SLC14A2: variants seen among roughly 807,000 people sequenced by gnomAD.
SLC14A2 encodes solute carrier family 14 member 2.
Under a neutral mutation model 104.6 loss-of-function variants are expected in SLC14A2, and 91 were observed. That is an observed-to-expected ratio of 0.87 (90% CI 0.73 to 1.04). The LOEUF (loss-of-function observed/expected upper bound fraction) is 1.04, where lower values mean the gene tolerates loss of function less well. Ranked by LOEUF, SLC14A2 falls within the 50% of genes least tolerant of loss-of-function variation. The pLI is 0.00. For missense variants in SLC14A2, 1,189 were observed against 1,156.0 expected (o/e 1.03, Z -0.41); for synonymous variants, 476 against 466.4 (o/e 1.02, Z -0.27).
At chr18:45,525,745 G>A (rs913725564) in intron 2 of SLC14A2, among the ~76,000 whole-genome samples, 2 of 152,138 alleles carry the variant, frequency 1.3e-5, no homozygotes, top group Admixed American at 6.5e-5. Context: ...TTCTGTTTGT[G>A]TCCATATGAA....
At chr18:45,338,791 C>T (rs956387311) in intron 1 of SLC14A2, among the ~76,000 whole-genome samples, 1 of 149,266 alleles carries the variant, frequency 6.7e-6, no homozygotes, top group South Asian at 2.1e-4. Context: ...CGTGTGAAAA[C>T]GTGCACTGAA....
intron 2 of SLC14A2, among the ~76,000 whole-genome samples, chr18:45,543,425 T>A (rs2043920466): frequency 6.6e-6 from 1 of 152,118 alleles, no homozygotes; most frequent in African/African-American, 2.4e-5. Context: ...AGCATGAGAC[T>A]CTTAAATACA....
intron 1 of SLC14A2, among the ~76,000 whole-genome samples, chr18:45,296,140 G>A (rs1007756258): frequency 1.3e-5 from 2 of 152,146 alleles, no homozygotes; most frequent in African/African-American, 4.8e-5. Flanking sequence ...ATGCAATTCA[G>A]CAAATATTTG....
At chr18:45,416,507 T>C (rs928531257) in intron 1 of SLC14A2, among the ~76,000 whole-genome samples, 4 of 152,200 alleles carry the variant, frequency 2.6e-5, no homozygotes, top group African/African-American at 7.2e-5. Context: ...AATCTGAAAT[T>C]AACCATAATG....
At chr18:45,223,623 T>C (rs867931500) in intron 1 of SLC14A2, among the ~76,000 whole-genome samples, 20 of 152,114 alleles carry the variant, frequency 1.3e-4, no homozygotes, top group African/African-American at 4.8e-4. Flanking sequence ...TAGGCTTCCA[T>C]GGCTAATCTC....
intron 1 of SLC14A2, among the ~76,000 whole-genome samples, chr18:45,475,670 T>G (rs1250044500): frequency 1.4e-4 from 15 of 107,678 alleles, no homozygotes; most frequent in East Asian, 2.5e-4. Flanking sequence ...TATATATATA[T>G]ATATATATAT....
chr18:45,505,929 C>T (rs889919775), intron 2 of SLC14A2, among the ~76,000 whole-genome samples: 2 of 152,112 alleles, frequency 1.3e-5, no homozygotes, highest in African/African-American at 4.8e-5. Flanking sequence ...ATGTGGATTT[C>T]TCTCCGCAGA....
intron 1 of SLC14A2, among the ~76,000 whole-genome samples, chr18:45,217,327 T>TAA (rs112631834): frequency 2.0e-5 from 3 of 149,336 alleles, no homozygotes; most frequent in Non-Finnish European, 4.4e-5. Context: ...TATGTATATA[T>TAA]AATGTACATA....
intron 1 of SLC14A2, among the ~76,000 whole-genome samples, chr18:45,439,189 G>A (rs1215722198): frequency 6.6e-6 from 1 of 152,140 alleles, no homozygotes; most frequent in African/African-American, 2.4e-5. Flanking sequence ...TGAGGAGGGA[G>A]GATTGCTTGA....
chr18:45,217,962 C>T (rs2084025430), intron 1 of SLC14A2, among the ~76,000 whole-genome samples: 1 of 152,198 alleles, frequency 6.6e-6, no homozygotes, highest in South Asian at 2.1e-4. Flanking sequence ...CTTCACCCTT[C>T]TGATCTGTGG....
In SLC14A2 at chr18:45,663,862, A is replaced by G; in HGVS notation, c.1429A>G (p.Ser477Gly). Residue 477 changes from serine (S) to glycine (G), a missense_variant, in exon 11 of 20, where the codon AGT (serine) becomes GGT (glycine). By Grantham distance (56) the Ser-to-Gly change is moderately conservative. Coordinates refer to ENST00000255226, the MANE Select transcript of SLC14A2 (RefSeq NM_007163.4). ...GSEAVLSKHR[S>G]VFHIEWSSIR... ...GGAGGCTGTGCTCTCCAAGCACAGGAGTGTATTTCACATCGAGTGGTCATC... is the reference window on the plus strand; with the variant it reads ...GGAGGCTGTGCTCTCCAAGCACAGGGGTGTATTTCACATCGAGTGGTCATC... 6.2e-7 allele frequency: 1 copy of G among 1,613,478 alleles called. No individual in the cohort carries two copies. The highest frequency in any genetic ancestry group is 8.5e-7 in the Non-Finnish European group (1 of 1,179,878).
At chr18:45,224,488 A>G (rs1333343401) in intron 1 of SLC14A2, among the ~76,000 whole-genome samples, 1 of 152,204 alleles carries the variant, frequency 6.6e-6, no homozygotes, top group Non-Finnish European at 1.5e-5. Flanking sequence ...GAGTCAGAAC[A>G]TGGGGCTCTG....
intron 1 of SLC14A2, among the ~76,000 whole-genome samples, chr18:45,395,694 A>G (rs982084033): frequency 6.6e-6 from 1 of 152,144 alleles, no homozygotes; most frequent in Non-Finnish European, 1.5e-5. Context: ...AACAGACTTT[A>G]CCCACCCACT....
At chr18:45,628,032 G>T (rs1028774609) in intron 4 of SLC14A2, among the ~76,000 whole-genome samples, 2 of 145,278 alleles carry the variant, frequency 1.4e-5, no homozygotes, top group East Asian at 4.1e-4. Context: ...AAAAGAAAAA[G>T]AAAAAAGAAT....
chr18:45,680,385 T>A (rs2046294460), intron 19 of SLC14A2, among the ~76,000 whole-genome samples: 1 of 152,194 alleles, frequency 6.6e-6, no homozygotes, highest in South Asian at 2.1e-4. Context: ...CAAAATCAAG[T>A]TTACCTAGTT....
At chr18:45,478,778 G>GA (rs879507774) in intron 1 of SLC14A2, among the ~76,000 whole-genome samples, 133 of 142,018 alleles carry the variant, frequency 9.4e-4, no homozygotes, top group Admixed American at 2.0e-3. Flanking sequence ...CCTTTTTCCA[G>GA]AAAAAAAAAA....
intron 1 of SLC14A2, among the ~76,000 whole-genome samples, chr18:45,281,816 C>T (rs2084765409): frequency 6.6e-6 from 1 of 152,094 alleles, no homozygotes; most frequent in African/African-American, 2.4e-5. Context: ...CTAATCATAC[C>T]ACTGCCATGC....
chr18:45,614,035 C>A (rs2045018398), upstream of SLC14A2, among the ~76,000 whole-genome samples: 2 of 152,216 alleles, frequency 1.3e-5, no homozygotes, highest in African/African-American at 4.8e-5. Flanking sequence ...ATCCTGGGCC[C>A]AGAGGCCTAG....
intron 1 of SLC14A2, among the ~76,000 whole-genome samples, chr18:45,286,274 T>A (rs1013395825): frequency 6.6e-6 from 1 of 152,198 alleles, no homozygotes. Context: ...TATAATCACA[T>A]GGCCTTGATT....
Sources: gnomAD v4.1 joint callset for allele counts (sites outside exome capture counted in the v4.1 genomes callset) on GRCh38, gnomAD v4.1.1 for gene constraint, MANE v1.5 for transcripts, NCBI Gene and HGNC (gene_info 2026-07-23, HGNC 2026-07-21) for gene names.